The following TEX9 variants were observed in gnomAD, a reference collection of about 807,000 sequenced individuals.
TEX9 encodes testis-expressed protein 9.
Under a neutral mutation model 59.6 loss-of-function variants are expected in TEX9, and 74 were observed. That is an observed-to-expected ratio of 1.24 (90% confidence interval 1.03 to 1.51). TEX9 has a LOEUF of 1.51. Ranked by LOEUF, TEX9 falls within the 40% of genes most tolerant of loss-of-function variation. The pLI is 0.00. For synonymous variants in TEX9, 186 were observed against 152.2 expected, an observed-to-expected ratio of 1.22 and a Z score of -1.64; for missense variants, 522 against 447.8, an observed-to-expected ratio of 1.17 and a Z score of -1.49.
chr15:56,277,931 TC>T (rs1304730564), intron 1 of TEX9, among the ~76,000 whole-genome samples: 1 of 152,174 alleles, frequency 6.6e-6, no homozygotes, highest in Non-Finnish European at 1.5e-5. Flanking sequence ...GAAGAAATTC[TC>T]CCTCTTGAGG....
At chr15:56,283,093 T>C (rs2044859497) in intron 1 of TEX9, among the ~76,000 whole-genome samples, 1 of 150,566 alleles carries the variant, frequency 6.6e-6, no homozygotes, top group Admixed American at 6.6e-5. Context: ...CATATACACA[T>C]ACATAACATT....
At chr15:56,369,732 T>C (rs1251116210) in intron 2 of TEX9, among the ~76,000 whole-genome samples, 2 of 152,244 alleles carry the variant, frequency 1.3e-5, no homozygotes, top group Admixed American at 1.3e-4. Flanking sequence ...AAAAGTTCTA[T>C]GCGTTCTTTG....
intron 4 of TEX9, 99 bp downstream of exon 4, chr15:56,384,130 T>A (rs1410564621): frequency 1.1e-6 from 1 of 936,630 alleles, no homozygotes; most frequent in African/African-American, 1.7e-5. Context: ...AATCTATAAT[T>A]TGAAGAATAA....
At chr15:56,333,843 CA>C (rs1340907323) in intron 1 of TEX9, among the ~76,000 whole-genome samples, 12 of 152,020 alleles carry the variant, frequency 7.9e-5, no homozygotes, top group Non-Finnish European at 1.2e-4. Context: ...CAAAATCATA[CA>C]AAAATCAGTA....
At chr15:56,365,549 C>G in intron 1 of TEX9, 30 bp from the exon 2 acceptor site, 1 of 1,614,214 alleles carries the variant, frequency 6.2e-7, no homozygotes, top group East Asian at 2.2e-5. Flanking sequence ...CCTTTAACTT[C>G]GGGTCTGAAA....
chr15:56,321,128 A>T (rs1200633664), intron 1 of TEX9, among the ~76,000 whole-genome samples: 2 of 152,128 alleles, frequency 1.3e-5, no homozygotes, highest in Non-Finnish European at 2.9e-5. Context: ...TGTGTGATTC[A>T]TGGGTCAGAG....
chr15:56,312,417 C>G (rs1282422971), intron 1 of TEX9, among the ~76,000 whole-genome samples: 1 of 144,314 alleles, frequency 6.9e-6, no homozygotes, highest in East Asian at 2.0e-4. Flanking sequence ...TTCCCCATTG[C>G]TTGTTTTTCT....
At chr15:56,246,832 G>T (rs2043869287) in intron 1 of TEX9, among the ~76,000 whole-genome samples, 2 of 152,180 alleles carry the variant, frequency 1.3e-5, no homozygotes, top group South Asian at 4.1e-4. Flanking sequence ...TGGCCTTGGA[G>T]TCAGAAGACC....
Position 56,380,707 on chromosome 15 carries a change from A to G in TEX9, c.184-3245A>G, listed in dbSNP as rs370179152. Among the ~76,000 whole-genome samples, 56 of 152,240 alleles carry G rather than the reference A, an allele frequency of 3.7e-4. 2 individuals are homozygous for G. The South Asian group carries it at 0.011, about 30-fold the overall frequency. On this transcript the variant is annotated intron_variant, in intron 3 of 12. Transcript: ENST00000352903. ...ATATACTATTCTAAGGTTAAAATCT[A>G]TATTTTTTTCTTCAGCACTTTAAGT...
chr15:56,347,801 G>A (rs1395528337), intron 1 of TEX9, among the ~76,000 whole-genome samples: 2 of 151,976 alleles, frequency 1.3e-5, no homozygotes, highest in East Asian at 3.9e-4. Flanking sequence ...ATCCATGAAA[G>A]AATATGTTAA....
chr15:56,378,311 A>G (rs1484591838), intron 3 of TEX9, among the ~76,000 whole-genome samples: 1 of 152,054 alleles, frequency 6.6e-6, no homozygotes, highest in Non-Finnish European at 1.5e-5. Context: ...TCTTCTTTAA[A>G]TGTTCGATAG....
intron 1 of TEX9, among the ~76,000 whole-genome samples, chr15:56,293,538 C>G (rs531299891): frequency 6.6e-6 from 1 of 152,146 alleles, no homozygotes; most frequent in Non-Finnish European, 1.5e-5. Context: ...AATATAAATT[C>G]TATTCTAGAA....
At chr15:56,431,283 G>C (rs2050587382) in intron 12 of TEX9, 1 of 1,485,582 alleles carries the variant, frequency 6.7e-7, no homozygotes, top group Admixed American at 2.0e-5. Flanking sequence ...CAAGAAGTGA[G>C]CAAAACCAAG....
intron 1 of TEX9, among the ~76,000 whole-genome samples, chr15:56,312,595 T>C (rs879427006): frequency 0.05 from 7,397 of 148,890 alleles, 241 homozygotes; most frequent in Non-Finnish European, 0.078. Flanking sequence ...TCCAGCTTTG[T>C]TCTTTTGGCT....
chr15:56,434,385 T>G, intron 12 of TEX9: 7 of 1,611,142 alleles, frequency 4.3e-6, no homozygotes, highest in Non-Finnish European at 5.9e-6. Flanking sequence ...CAATTTCTTT[T>G]CTGCTTCTTC....
intron 3 of TEX9, 24 bp downstream of exon 3, chr15:56,373,528 T>C (rs777027621): frequency 1.3e-6 from 2 of 1,500,490 alleles, no homozygotes; most frequent in South Asian, 2.6e-5. Context: ...CAATTATTAA[T>C]AATTCTATAT....
chr15:56,385,232 C>A (rs143263337), intron 4 of TEX9, among the ~76,000 whole-genome samples: 1 of 152,286 alleles, frequency 6.6e-6, no homozygotes, highest in African/African-American at 2.4e-5. Flanking sequence ...ATGCCAACAG[C>A]ACACTCTTGA....
At chr15:56,385,807 G>A (rs1363400124) in intron 4 of TEX9, among the ~76,000 whole-genome samples, 2 of 152,042 alleles carry the variant, frequency 1.3e-5, no homozygotes, top group East Asian at 1.9e-4. Flanking sequence ...TATAAGAGGT[G>A]CATAGCCCTA....
chr15:56,410,559 C>T (rs1188883850), intron 9 of TEX9, among the ~76,000 whole-genome samples: 1 of 151,830 alleles, frequency 6.6e-6, no homozygotes, highest in East Asian at 1.9e-4. Flanking sequence ...ATTTTTATAA[C>T]AGTAGAAATT....
Sources: gnomAD v4.1 joint callset for allele counts (sites outside exome capture counted in the v4.1 genomes callset) on GRCh38, gnomAD v4.1.1 for gene constraint, MANE v1.5 for transcripts, NCBI Gene and HGNC (gene_info 2026-07-23, HGNC 2026-07-21) for gene names.